The following MND1 variants were observed in gnomAD, a reference collection of about 807,000 sequenced individuals.
MND1 encodes the protein meiotic nuclear division protein 1 homolog.
In MND1, 28 loss-of-function variants were observed where a neutral mutation model predicts 35.1. That is an observed-to-expected ratio of 0.80 (90% CI 0.59 to 1.09). The LOEUF (loss-of-function observed/expected upper bound fraction) is 1.09. Among genes scored for constraint, MND1 ranks in the 50% least tolerant of loss-of-function variants. The pLI is 0.00. For synonymous variants in MND1, 69 were observed against 70.5 expected, an observed-to-expected ratio of 0.98 and a Z score of 0.11; for missense variants, 213 against 239.6, an observed-to-expected ratio of 0.89 and a Z score of 0.73.
chr4:153,370,247 G>C (rs984011169), intron 4 of MND1, among the ~76,000 whole-genome samples: 1 of 151,754 alleles, frequency 6.6e-6, no homozygotes. Flanking sequence ...ACACCACTGC[G>C]CTCCAGCCTG....
chr4:153,345,284 A>G (rs1045652791), intron 1 of MND1: 5 of 960,922 alleles, frequency 5.2e-6, no homozygotes, highest in Admixed American at 6.1e-5. Context: ...CTGTATTGTA[A>G]TATGTAGAGC....
chr4:153,372,994 G>A (rs2083416049), intron 4 of MND1, among the ~76,000 whole-genome samples: 1 of 150,580 alleles, frequency 6.6e-6, no homozygotes, highest in African/African-American at 2.4e-5. Flanking sequence ...TCTTTCTTTT[G>A]AGTAACTCTT....
At position 153,408,969 on chromosome 4, in the gene MND1, A is replaced by G; in HGVS notation, c.467-2A>G. On this transcript the variant is annotated splice_acceptor_variant, in intron 6 of 7. Transcript: ENST00000240488. LOFTEE classifies it high-confidence loss of function. ...CATTTTATATATATAATTTTTTTTC[A>G]GGCCAAGCAAATAAAGTAGCCAAAG... The G allele has an allele frequency of 3.8e-6, 5 of 1,302,082 alleles. No homozygotes were observed. The highest frequency in any genetic ancestry group is 4.0e-6 in the Non-Finnish European group (4 of 1,008,088). 80.7% of individuals were successfully genotyped at this position (1,302,082 alleles called of 1,614,324 possible).
intron 1 of MND1, 32 bp from the exon 2 acceptor site, chr4:153,350,032 G>T (rs758112105): frequency 6.8e-7 from 1 of 1,462,726 alleles, no homozygotes; most frequent in Admixed American, 1.9e-5. Flanking sequence ...GTGTTTAAAA[G>T]CATTGTTTAC....
intron 4 of MND1, among the ~76,000 whole-genome samples, chr4:153,362,567 A>G (rs1271009852): frequency 6.6e-6 from 1 of 152,176 alleles, no homozygotes; most frequent in Non-Finnish European, 1.5e-5. Context: ...TTTTCTTTAT[A>G]AATTACCCAG....
chr4:153,368,906 C>G (rs1364035907), intron 4 of MND1, among the ~76,000 whole-genome samples: 4 of 152,122 alleles, frequency 2.6e-5, no homozygotes, highest in Admixed American at 2.6e-4. Flanking sequence ...AATACCAAAA[C>G]AGGGTGACTT....
rs1294755413 is a variant in MND1 at position 153,373,017 on chromosome 4, C to CT, written c.276+14408dup. 1.3e-3 allele frequency among the ~76,000 whole-genome samples: 177 copies of CT among 137,706 alleles called. 2 individuals are homozygous for CT. The highest frequency in any genetic ancestry group is 3.6e-3 in the East Asian group (17 of 4,682). 90.3% of individuals were successfully genotyped at this position (137,706 alleles called of 152,430 possible). A position where few individuals can be genotyped will look rare whatever the true frequency, so the allele number is the denominator to read the frequency against. On this transcript the variant is annotated intron_variant, in intron 4 of 7. Coordinates refer to ENST00000240488, the MANE Select transcript of MND1 (RefSeq NM_032117.4). Reference sequence around the variant, plus strand: ...TTGAGTAACTCTTTCTATAGGAAATCTTTTTTTTTTTTTAATAGTAGCATG... The same window carrying CT: ...TTGAGTAACTCTTTCTATAGGAAATCTTTTTTTTTTTTTTAATAGTAGCATG...
chr4:153,385,287 A>G (rs1437097196), intron 4 of MND1, among the ~76,000 whole-genome samples: 1 of 152,260 alleles, frequency 6.6e-6, no homozygotes. Context: ...ATAGTTGGCC[A>G]GCACTATATG....
intron 4 of MND1, among the ~76,000 whole-genome samples, chr4:153,387,251 G>A (rs1055820066): frequency 3.3e-5 from 5 of 151,768 alleles, no homozygotes; most frequent in African/African-American, 9.7e-5. Context: ...TGTATCCCAC[G>A]GGAATTTTTC....
chr4:153,404,174 CTTTTTTTTT>C (rs71598277), intron 6 of MND1, among the ~76,000 whole-genome samples: 6 of 73,778 alleles, frequency 8.1e-5, no homozygotes, highest in African/African-American at 2.4e-4. Flanking sequence ...AAAATTGGTT[CTTTTTTTTT>C]TTTTTTTTTT....
chr4:153,394,393 C>A, intron 5 of MND1, 57 bp downstream of exon 5: 2 of 1,350,426 alleles, frequency 1.5e-6, no homozygotes, highest in Admixed American at 4.1e-5. Context: ...TTAGAGTAAG[C>A]GACACAGAGC....
chr4:153,353,806 A>G (rs1051138112), intron 2 of MND1, among the ~76,000 whole-genome samples: 4 of 151,810 alleles, frequency 2.6e-5, no homozygotes, highest in Non-Finnish European at 5.9e-5. Flanking sequence ...TGCAGCCTCC[A>G]CCTCCCAGGT....
In MND1 at chr4:153,364,961, A is replaced by G. The variant is rs1773591368; in HGVS notation, c.276+6339A>G. 3.9e-5 allele frequency among the ~76,000 whole-genome samples: 6 copies of G among 152,212 alleles called. No individual in the cohort carries two copies. The South Asian group carries it at 1.2e-3, about 32-fold the overall frequency. On this transcript the variant is annotated intron_variant, in intron 4 of 7. Coordinates refer to ENST00000240488, the MANE Select transcript of MND1 (RefSeq NM_032117.4). The stretch of plus-strand genomic sequence containing the variant: ...CCAGTCATAAAAAGACAAATACTCT[A>G]TGATTCCACATATATGAGGTATCTA...
At position 153,390,889 on chromosome 4, in the gene MND1, A is replaced by ATATG. The variant is rs757236550; in HGVS notation, c.277-3372_277-3371insATGT. ...CCGTCTCAAAAAAAAAGGTATATATATGTGTGTGTGTGTGTGTGTGTGTGT... is the reference window on the plus strand; with the variant it reads ...CCGTCTCAAAAAAAAAGGTATATATATATGTGTGTGTGTGTGTGTGTGTGTGTGT... On this transcript the variant is annotated intron_variant, in intron 4 of 7. Coordinates refer to ENST00000240488, the MANE Select transcript of MND1 (RefSeq NM_032117.4). Among the ~76,000 whole-genome samples the ATATG allele has an allele frequency of 2.1e-3, 292 of 139,850 alleles. 1 individual carries two copies. The highest frequency in any genetic ancestry group is 7.3e-3 in the African/African-American group (279 of 38,238). 91.7% of individuals were successfully genotyped at this position (139,850 alleles called of 152,430 possible).
chr4:153,360,160 A>T (rs918676435), intron 4 of MND1, among the ~76,000 whole-genome samples: 3 of 152,010 alleles, frequency 2.0e-5, no homozygotes, highest in African/African-American at 7.2e-5. Flanking sequence ...CCATTTTTCA[A>T]TTGGGTTTTT....
chr4:153,400,592 TA>T (rs1729322451), intron 6 of MND1, among the ~76,000 whole-genome samples: 1 of 152,132 alleles, frequency 6.6e-6, no homozygotes, highest in South Asian at 2.1e-4. Context: ...CCAGTTTTAT[TA>T]CCTTTCTACT....
At chr4:153,350,885 G>A (rs1773197291) in intron 2 of MND1, among the ~76,000 whole-genome samples, 1 of 151,128 alleles carries the variant, frequency 6.6e-6, no homozygotes, top group Non-Finnish European at 1.5e-5. Flanking sequence ...GAAGAAGATG[G>A]GGAAAAGTGG....
intron 4 of MND1, among the ~76,000 whole-genome samples, chr4:153,365,644 G>C (rs1426999695): frequency 1.3e-5 from 2 of 151,914 alleles, no homozygotes; most frequent in Non-Finnish European, 2.9e-5. Context: ...CTGTCACCCA[G>C]GCTGGAGTGC....
chr4:153,396,621 A>G (rs1490243410), intron 5 of MND1, among the ~76,000 whole-genome samples: 1 of 152,206 alleles, frequency 6.6e-6, no homozygotes, highest in Non-Finnish European at 1.5e-5. Flanking sequence ...AGTGAGAAAT[A>G]TGGCTAGACA....
Sources: gnomAD v4.1 joint callset for allele counts (sites outside exome capture counted in the v4.1 genomes callset) on GRCh38, gnomAD v4.1.1 for gene constraint, MANE v1.5 for transcripts, NCBI Gene and HGNC (gene_info 2026-07-23, HGNC 2026-07-21) for gene names.